Variants in ZFHX3 observed in about 807,000 individuals in gnomAD.
ZFHX3 encodes zinc finger homeobox 3.
A neutral mutation model predicts 279.1 loss-of-function variants in ZFHX3; 42 were observed. The observed-to-expected ratio is 0.15, with a 90% CI of 0.12 to 0.19. ZFHX3 has a LOEUF of 0.19. ZFHX3 is among the 10% of genes least tolerant of loss of function. The pLI, the probability that ZFHX3 is intolerant of heterozygous loss-of-function variation, is 1.00. For synonymous variants in ZFHX3, 2,293 were observed against 1,957.8 expected, an observed-to-expected ratio of 1.17 and a Z score of -4.52; for missense variants, 4,981 against 4,754.0, an observed-to-expected ratio of 1.05 and a Z score of -1.40.
In ZFHX3 at chr16:72,950,702, G is replaced by A; in HGVS notation, c.2983C>T (p.Leu995Phe). 6.2e-7 allele frequency: 1 copy of A among 1,614,234 alleles called. No homozygotes were observed. The highest frequency in any genetic ancestry group is 8.5e-7 in the Non-Finnish European group (1 of 1,180,042). The change falls in exon 3 of 10, where the codon CTC (leucine) becomes TTC (phenylalanine). Residue 995 changes from leucine (L) to phenylalanine (F), a missense_variant. By Grantham distance (22) the Leu-to-Phe change is conservative (BLOSUM62 0). Coordinates refer to ENST00000268489, the MANE Select transcript of ZFHX3 (RefSeq NM_006885.4). ...QCKLCRYNTQ[L>F]KANFQLHCKT... ...CAGTGCAGCTGGAAGTTGGCCTTGA[G>A]CTGGGTGTTGTAGCGGCAGAGCTTG...
intron 1 of ZFHX3, among the ~76,000 whole-genome samples, chr16:73,870,434 A>C (rs1488760360): frequency 1.3e-5 from 2 of 152,208 alleles, no homozygotes; most frequent in Non-Finnish European, 2.9e-5. Context: ...AGGAGAGAGA[A>C]ACCAAAACGA....
intron 3 of ZFHX3, among the ~76,000 whole-genome samples, chr16:73,412,660 G>A (rs747562569): frequency 3.7e-4 from 56 of 152,272 alleles, no homozygotes; most frequent in Non-Finnish European, 3.4e-4. Context: ...TATTAGTATC[G>A]GACTTTAGAC....
intron 4 of ZFHX3, among the ~76,000 whole-genome samples, chr16:72,856,755 T>G (rs1230945159): frequency 1.3e-5 from 2 of 152,192 alleles, no homozygotes; most frequent in Non-Finnish European, 2.9e-5. Context: ...CACATCAGCT[T>G]TGAAGACAGA....
At chr16:72,863,319 AC>A (rs1414907732) in intron 4 of ZFHX3, among the ~76,000 whole-genome samples, 1 of 140,220 alleles carries the variant, frequency 7.1e-6, no homozygotes, top group Admixed American at 7.4e-5. Context: ...CTTGGACAAC[AC>A]GGCAAAATCT....
intron 4 of ZFHX3, among the ~76,000 whole-genome samples, chr16:72,859,229 G>A (rs950928852): frequency 6.6e-6 from 1 of 152,190 alleles, no homozygotes. Context: ...GAAACAGGCA[G>A]CCCACATAAA....
In ZFHX3 at chr16:72,958,196, G is replaced by C. The variant is rs752513899; in HGVS notation, c.1950C>G (p.Gly650=). Residue 650 remains glycine (G), a synonymous_variant, in exon 2 of 10, where the codon GGC becomes GGG. Transcript: ENST00000268489. ...VECPKCDTVL[G]SSRSLGGHMT... is the part of the protein sequence containing the mutation. ...TGTGGCCGCCCAGCGAGCGGGAGGA[G>C]CCCAGGACCGTGTCGCATTTGGGGC... 4 of 1,612,400 alleles carry C rather than the reference G, an allele frequency of 2.5e-6. No homozygotes were observed. In the African/African-American group the frequency reaches 5.3e-5, roughly 22 times the overall value.
At chr16:73,237,489 A>AAATTGCTG (rs1308756615) in intron 5 of ZFHX3, among the ~76,000 whole-genome samples, 1 of 150,530 alleles carries the variant, frequency 6.6e-6, no homozygotes, top group Non-Finnish European at 1.5e-5. Flanking sequence ...ATCCTCCTCC[A>AAATTGCTG]AATTGCTGGA....
intron 1 of ZFHX3, among the ~76,000 whole-genome samples, chr16:73,889,176 G>T (rs1388185353): frequency 6.6e-6 from 1 of 152,078 alleles, no homozygotes; most frequent in African/African-American, 2.4e-5. Context: ...GGAGAAAGCC[G>T]GTCTTAGAAG....
At chr16:72,851,957 C>A (rs949391088) in intron 4 of ZFHX3, among the ~76,000 whole-genome samples, 1 of 152,202 alleles carries the variant, frequency 6.6e-6, no homozygotes, top group African/African-American at 2.4e-5. Context: ...CCAAGTTAAA[C>A]AGCTTTTGCG....
chr16:73,294,927 G>A (rs1456032901), intron 4 of ZFHX3, among the ~76,000 whole-genome samples: 1 of 151,382 alleles, frequency 6.6e-6, no homozygotes, highest in Non-Finnish European at 1.5e-5. Context: ...AACATCCACA[G>A]CCACGGCTGG....
chr16:73,543,885 G>GGAGGGAGAGA (rs1555523940), intron 2 of ZFHX3: 3 of 136,512 alleles, frequency 2.2e-5, no homozygotes, highest in Admixed American at 2.1e-4. Context: ...AGCGAGAGAG[G>GGAGGGAGAGA]GAGAGAGAGA....
intron 2 of ZFHX3, among the ~76,000 whole-genome samples, chr16:73,589,175 G>A (rs185554617): frequency 3.5e-5 from 5 of 141,796 alleles, no homozygotes; most frequent in East Asian, 2.1e-4. Context: ...CAGGAGAATC[G>A]CTTGACCCTC....
At chr16:73,042,915 T>G (rs1485977992) in intron 1 of ZFHX3, among the ~76,000 whole-genome samples, 1 of 151,720 alleles carries the variant, frequency 6.6e-6, no homozygotes, top group Non-Finnish European at 1.5e-5. Context: ...TTAGGCCCCT[T>G]ATGTCATTAG....
At chr16:73,343,003 T>G in intron 3 of ZFHX3, among the ~76,000 whole-genome samples, 1 of 152,236 alleles carries the variant, frequency 6.6e-6, no homozygotes, top group Non-Finnish European at 1.5e-5. Context: ...GGTATGTTTT[T>G]CACAGTGCTA....
At chr16:72,825,467 T>C (rs1218790998) in intron 5 of ZFHX3, among the ~76,000 whole-genome samples, 1 of 152,230 alleles carries the variant, frequency 6.6e-6, no homozygotes, top group Non-Finnish European at 1.5e-5. Flanking sequence ...CAAAAGCCAG[T>C]GTGTAAATCT....
At chr16:73,263,938 G>A (rs1182007964) in intron 4 of ZFHX3, among the ~76,000 whole-genome samples, 1 of 152,160 alleles carries the variant, frequency 6.6e-6, no homozygotes, top group African/African-American at 2.4e-5. Flanking sequence ...AGGCCCAGGA[G>A]GGCAGATCAC....
chr16:73,183,097 C>T (rs1469177548), intron 5 of ZFHX3, among the ~76,000 whole-genome samples: 5 of 151,970 alleles, frequency 3.3e-5, no homozygotes, highest in Non-Finnish European at 5.9e-5. Context: ...CCCAGCTACT[C>T]GGGAGGCTGA....
At chr16:73,195,757 C>CAAA (rs374985325) in intron 5 of ZFHX3, among the ~76,000 whole-genome samples, 1 of 150,678 alleles carries the variant, frequency 6.6e-6, no homozygotes, top group African/African-American at 2.4e-5. Flanking sequence ...GGCTAGAAAG[C>CAAA]AAAAAAAATA....
chr16:73,028,580 A>T (rs1964591244), intron 1 of ZFHX3, among the ~76,000 whole-genome samples: 1 of 152,188 alleles, frequency 6.6e-6, no homozygotes, highest in Non-Finnish European at 1.5e-5. Flanking sequence ...GCACCAACAG[A>T]CAGGGGACGA....
Sources: gnomAD v4.1 joint callset for allele counts (sites outside exome capture counted in the v4.1 genomes callset) on GRCh38, gnomAD v4.1.1 for gene constraint, MANE v1.5 for transcripts, NCBI Gene and HGNC (gene_info 2026-07-23, HGNC 2026-07-21) for gene names.